Variants in UPF1 observed in about 807,000 individuals in gnomAD.
UPF1 encodes regulator of nonsense transcripts 1.
Under a neutral mutation model 129.2 loss-of-function variants are expected in UPF1, and 9 were observed. The observed-to-expected ratio is 0.07, with a 90% CI of 0.04 to 0.12. The LOEUF is 0.12. Ranked by LOEUF, UPF1 falls within the 10% of genes least tolerant of loss-of-function variation. The pLI, the probability that UPF1 is intolerant of heterozygous loss-of-function variation, is 1.00. For missense variants in UPF1, 788 were observed against 1,525.3 expected (o/e 0.52, Z 8.05); for synonymous variants, 649 against 644.9 (o/e 1.01, Z -0.10).
intron 14 of UPF1, 99 bp downstream of exon 14, chr19:18,857,119 G>T: frequency 6.5e-7 from 1 of 1,537,734 alleles, no homozygotes; most frequent in Non-Finnish European, 8.8e-7. Flanking sequence ...ATGCCCAGCA[G>T]AGTGTGCGCA....
chr19:18,847,690 TG>T, intron 2 of UPF1, 53 bp from the exon 3 acceptor site: 1 of 1,564,156 alleles, frequency 6.4e-7, no homozygotes, highest in Non-Finnish European at 8.8e-7. Flanking sequence ...TCTTGCCAAA[TG>T]AAAACCAGAG....
In UPF1 at chr19:18,853,019, G is replaced by C. The variant is rs1568276950; in HGVS notation, c.1005G>C (p.Leu335=). ...TQDNITVRWD[L]GLNKKRIAYF... ...ATAACATCACTGTCAGGTGGGACCT[G>C]GGCCTTAACAAGAAGAGAATCGCCT... The change falls in exon 7 of 24, where the codon CTG becomes CTC. Residue 335 remains leucine (L), a synonymous_variant. Coordinates refer to ENST00000262803, the MANE Select transcript of UPF1 (RefSeq NM_002911.4). The surrounding 1 kb of genome is among the most constrained non-coding windows in gnomAD (Gnocchi z 4.4). The C allele has an allele frequency of 7.4e-6, 12 of 1,614,118 alleles. No homozygotes were observed. The highest frequency in any genetic ancestry group is 1.3e-5 in the African/African-American group (1 of 75,024).
At chr19:18,844,575 C>T (rs1003119640) in intron 1 of UPF1, among the ~76,000 whole-genome samples, 2 of 151,720 alleles carry the variant, frequency 1.3e-5, no homozygotes, top group African/African-American at 2.4e-5. Flanking sequence ...TCAGGTGATC[C>T]GCCCTGCCGA....
chr19:18,857,085 TA>T, intron 14 of UPF1, 65 bp downstream of exon 14: 1 of 1,569,390 alleles, frequency 6.4e-7, no homozygotes, highest in Non-Finnish European at 8.6e-7. Context: ...GTTTGTCTTT[TA>T]AAACACCTTG....
Position 18,865,027 on chromosome 19 carries a change from G to A in UPF1, c.2858-262G>A, listed in dbSNP as rs1601132806. Among the ~76,000 whole-genome samples the A allele has an allele frequency of 6.6e-6, 1 of 152,162 alleles. No homozygotes were observed. Among genetic ancestry groups the A allele is most frequent in the African/African-American group, 2.4e-5 (1 of 41,432 alleles). On this transcript the variant is annotated intron_variant, in intron 20 of 23. Coordinates refer to ENST00000262803, the MANE Select transcript of UPF1 (RefSeq NM_002911.4). The surrounding 1 kb of genome is among the most constrained non-coding windows in gnomAD (Gnocchi z 6.1). ...TGGGATTATAGGCTTGAGCCAACAC[G>A]CCCGGCCCCAATTTTCAGTTTTTAA...
In UPF1 at chr19:18,853,428, T is replaced by C. The variant is rs148142267; in HGVS notation, c.1156+78T>C. The stretch of plus-strand genomic sequence containing the variant: ...GCATCAGGTGGAGGCCACTGTGGAT[T>C]TGATGCTCACTGCTGGGCCAGCATC... On this transcript the variant is annotated intron_variant, in intron 8 of 23. Coordinates refer to ENST00000262803, the MANE Select transcript of UPF1 (RefSeq NM_002911.4). This position sits in a 1 kb window ranked among gnomAD's most constrained non-coding sequence, Gnocchi z 4.4. 5.9e-4 allele frequency: 815 copies of C among 1,379,752 alleles called. 6 individuals carry two copies. The African/African-American group carries it at 0.01, about 18-fold the overall frequency. 85.5% of individuals were successfully genotyped at this position (1,379,752 alleles called of 1,614,324 possible). A position where few individuals can be genotyped will look rare whatever the true frequency, so the allele number is the denominator to read the frequency against.
At chr19:18,861,971 A>T in intron 17 of UPF1, 39 bp from the exon 18 acceptor site, 1 of 1,608,284 alleles carries the variant, frequency 6.2e-7, no homozygotes. Flanking sequence ...CTGGGAAGGC[A>T]GCCTGCTGGC....
Position 18,847,750 on chromosome 19 carries a change from T to C in UPF1, c.378T>C (p.Cys126=). 2 of 1,613,982 alleles carry C rather than the reference T, an allele frequency of 1.2e-6. No homozygotes were observed. The highest frequency in any genetic ancestry group is 2.2e-5 in the East Asian group (1 of 44,878). The change falls in exon 3 of 24, where the codon TGT becomes TGC. Residue 126 remains cysteine, a synonymous_variant. Coordinates refer to ENST00000262803, the MANE Select transcript of UPF1 (RefSeq NM_002911.4). ...KDLPIHACSY[C]GIHDPACVVY... is the part of the protein sequence containing the mutation. ...CGCTGTTTTGATTTTTTAGTTACTG[T>C]GGAATACACGATCCTGCCTGCGTGG...
In UPF1 at chr19:18,865,118, C is replaced by G. The variant is rs1183079930; in HGVS notation, c.2858-171C>G. Among the ~76,000 whole-genome samples the G allele has an allele frequency of 6.6e-6, 1 of 152,252 alleles. No homozygotes were observed. Among genetic ancestry groups the G allele is most frequent in the Non-Finnish European group, 1.5e-5 (1 of 68,048 alleles). On this transcript the variant is annotated intron_variant, in intron 20 of 23. Transcript: ENST00000262803. The surrounding 1 kb of genome is among the most constrained non-coding windows in gnomAD (Gnocchi z 6.1). ...GGAAGGTGCCTGCCCAAGCACCCAG[C>G]CCCAGGCAGGCTGCTGTAGTTAACA...
At chr19:18,863,332 G>C in intron 18 of UPF1, 106 bp from the exon 19 acceptor site, 2 of 1,465,514 alleles carry the variant, frequency 1.4e-6, no homozygotes, top group South Asian at 1.3e-5. Context: ...CCACGCCTCT[G>C]TTGCCTTGGA....
chr19:18,840,183 C>T (rs1009166749), intron 1 of UPF1, among the ~76,000 whole-genome samples: 1 of 152,032 alleles, frequency 6.6e-6, no homozygotes, highest in Non-Finnish European at 1.5e-5. Flanking sequence ...GGAGGGGCCA[C>T]AGGGCAGTGG....
chr19:18,863,318 C>T (rs1176978671), intron 18 of UPF1, 120 bp from the exon 19 acceptor site: 29 of 1,328,566 alleles, frequency 2.2e-5, no homozygotes, highest in African/African-American at 1.0e-4. Flanking sequence ...GCCTGCTGCC[C>T]GGTCCACGCC....
chr19:18,855,091 G>C, intron 10 of UPF1, 33 bp from the exon 11 acceptor site: 1 of 1,613,416 alleles, frequency 6.2e-7, no homozygotes, highest in Non-Finnish European at 8.5e-7. Context: ...GGACGCAAGC[G>C]GAGGCTGCCC....
chr19:18,867,394 G>T lies in UPF1; in HGVS notation c.*877G>T, dbSNP rs1199415661. 6.6e-6 allele frequency: 1 copy of T among 152,308 alleles called. No homozygotes were observed. The highest frequency in any genetic ancestry group is 1.9e-4 in the East Asian group (1 of 5,196). The allele number at this position is 152,308 out of a possible 1,614,324, so 9.4% of individuals were successfully genotyped here. A position where few individuals can be genotyped will look rare whatever the true frequency, so the allele number is the denominator to read the frequency against. On this transcript the variant is annotated 3_prime_UTR_variant, in exon 24 of 24. Transcript: ENST00000262803. ...CGGCGCAGGGCCCCGCACCGGTGAGGAAGGTGCTTTTGGCCCCATTGCGAG... is the reference window on the plus strand; with the variant it reads ...CGGCGCAGGGCCCCGCACCGGTGAGTAAGGTGCTTTTGGCCCCATTGCGAG...
chr19:18,835,837 C>T lies in UPF1; in HGVS notation c.231+3397C>T, dbSNP rs146279029. 1.3e-4 allele frequency among the ~76,000 whole-genome samples: 20 copies of T among 152,274 alleles called. No individual in the cohort carries two copies. In the East Asian group the frequency reaches 3.3e-3, roughly 25 times the overall value. On this transcript the variant is annotated intron_variant, in intron 1 of 23. Coordinates refer to ENST00000262803, the MANE Select transcript of UPF1 (RefSeq NM_002911.4). ...ATGTGTTTATAGACCTGCTGGGCCG[C>T]GTAGTAACCTTGGGTTTAATGGTTT... is the stretch of plus-strand genomic sequence containing the variant.
At chr19:18,855,381 C>T in intron 11 of UPF1, 139 bp downstream of exon 11, 2 of 875,834 alleles carry the variant, frequency 2.3e-6, no homozygotes, top group Non-Finnish European at 3.4e-6. Flanking sequence ...GTGCCTACCG[C>T]TCTCTATGTG....
chr19:18,838,186 A>T (rs2055503310), intron 1 of UPF1, among the ~76,000 whole-genome samples: 2 of 152,254 alleles, frequency 1.3e-5, no homozygotes. Flanking sequence ...TAAAATCTGC[A>T]CATGTAGCTG....
chr19:18,858,082 A>G (rs529531396), intron 15 of UPF1, among the ~76,000 whole-genome samples: 1 of 152,322 alleles, frequency 6.6e-6, no homozygotes, highest in East Asian at 1.9e-4. Context: ...TGAACAGTAC[A>G]TCTTACTAAG....
At position 18,857,329 on chromosome 19, in the gene UPF1, G is replaced by A; in HGVS notation, c.1978G>A (p.Val660Ile). 1 of 1,612,264 alleles carries A rather than the reference G, an allele frequency of 6.2e-7. No individual in the cohort carries two copies. Among genetic ancestry groups the A allele is most frequent in the Non-Finnish European group, 8.5e-7 (1 of 1,179,674 alleles). The change falls in exon 15 of 24, where the codon GTA (valine) becomes ATA (isoleucine). Residue 660 changes from valine to isoleucine, a missense_variant. This residue lies in a region of UPF1 where 140 missense variants were observed against 385.9 expected (regional missense o/e 0.36). Coordinates refer to ENST00000262803, the MANE Select transcript of UPF1 (RefSeq NM_002911.4). Reference protein sequence around the residue: ...VVLGAKQLILVGDHCQLGPVV... With the variant: ...VVLGAKQLILIGDHCQLGPVV... ...GCCCCTGTTCCTACAGCTGATCCTTGTAGGCGACCACTGCCAGCTGGGCCC... is the reference window on the plus strand; with the variant it reads ...GCCCCTGTTCCTACAGCTGATCCTTATAGGCGACCACTGCCAGCTGGGCCC...
Sources: gnomAD v4.1 joint callset for allele counts (sites outside exome capture counted in the v4.1 genomes callset) on GRCh38, gnomAD v4.1.1 for gene constraint, gnomAD v4.1.1 regional missense constraint, Gnocchi (gnomAD v3.1) non-coding constraint, MANE v1.5 for transcripts, NCBI Gene and HGNC (gene_info 2026-07-23, HGNC 2026-07-21) for gene names.